The following SLC11A2 variants were observed in gnomAD, a reference collection of about 807,000 sequenced individuals.
SLC11A2 encodes natural resistance-associated macrophage protein 2.
A neutral mutation model predicts 68.0 loss-of-function variants in SLC11A2; 38 were observed. The observed-to-expected ratio is 0.56, with a 90% CI of 0.43 to 0.73. SLC11A2 has a LOEUF of 0.73. Ranked by LOEUF, SLC11A2 falls within the 30% of genes least tolerant of loss-of-function variation. SLC11A2 has a pLI of 0.00. For synonymous variants in SLC11A2, 242 were observed against 250.6 expected, an observed-to-expected ratio of 0.97 and a Z score of 0.32; for missense variants, 517 against 690.5, an observed-to-expected ratio of 0.75 and a Z score of 2.82.
chr12:50,972,835 G>C, the SLC11A2 span, among the ~76,000 whole-genome samples: 1 of 152,224 alleles, frequency 6.6e-6, no homozygotes, highest in Non-Finnish European at 1.5e-5. Flanking sequence ...CAGCACACCA[G>C]GAGATTATAT....
At chr12:51,000,919 A>C (rs930418865) in intron 5 of SLC11A2, among the ~76,000 whole-genome samples, 5 of 152,052 alleles carry the variant, frequency 3.3e-5, no homozygotes, top group African/African-American at 1.2e-4. Context: ...TAATCCCAGC[A>C]CTTTGGGAGG....
intron 3 of SLC11A2, 166 bp downstream of exon 3, chr12:51,008,302 GGTGTGTGT>G (rs532914132): frequency 3.8e-5 from 20 of 522,354 alleles, no homozygotes; most frequent in African/African-American, 2.8e-4. Flanking sequence ...ATATAGATGG[GGTGTGTGT>G]GTGTGTGTGT....
At chr12:50,977,910 C>T (rs1248789345), downstream of SLC11A2, among the ~76,000 whole-genome samples, 11 of 152,074 alleles carry the variant, frequency 7.2e-5, no homozygotes, top group Non-Finnish European at 7.4e-5. Context: ...TCATCACTGG[C>T]CATCAGAGAA....
chr12:50,967,525 C>T, the SLC11A2 span, among the ~76,000 whole-genome samples: 7 of 152,146 alleles, frequency 4.6e-5, no homozygotes, highest in Non-Finnish European at 1.0e-4. Flanking sequence ...GAACTCCCAC[C>T]TCAGCTTCCC....
At chr12:50,990,270 CAT>C (rs755715905) in intron 15 of SLC11A2, among the ~76,000 whole-genome samples, 14 of 152,192 alleles carry the variant, frequency 9.2e-5, no homozygotes, top group African/African-American at 2.7e-4. Flanking sequence ...CTGTGTGCCA[CAT>C]GTGTCCCACC....
chr12:50,963,343 C>A, the SLC11A2 span, among the ~76,000 whole-genome samples: 1 of 133,644 alleles, frequency 7.5e-6, no homozygotes, highest in Admixed American at 8.9e-5. Context: ...GCACTCCAGC[C>A]TGGGTGAAAG....
intron 1 of SLC11A2, among the ~76,000 whole-genome samples, chr12:51,021,319 T>C (rs1020331589): frequency 6.6e-6 from 1 of 152,046 alleles, no homozygotes; most frequent in Admixed American, 6.6e-5. Flanking sequence ...AGACATCCTA[T>C]TTAACTTACA....
At chr12:50,978,884 C>T (rs974026450), downstream of SLC11A2, among the ~76,000 whole-genome samples, 1 of 152,176 alleles carries the variant, frequency 6.6e-6, no homozygotes, top group Non-Finnish European at 1.5e-5. Context: ...GCCTCTGTTA[C>T]TAATGAAACT....
the SLC11A2 span, chr12:50,953,824 A>C: frequency 3.8e-6 from 2 of 532,632 alleles, no homozygotes; most frequent in African/African-American, 1.9e-5. Flanking sequence ...AAATGAAAAA[A>C]TTCGGTAGTG....
intron 10 of SLC11A2, 84 bp downstream of exon 10, chr12:50,995,545 G>T: frequency 7.7e-7 from 1 of 1,298,054 alleles, no homozygotes; most frequent in Non-Finnish European, 1.1e-6. Flanking sequence ...TTAACACTAG[G>T]ATGAGGTATT....
At chr12:50,968,848 T>C in the SLC11A2 span, among the ~76,000 whole-genome samples, 231 of 150,366 alleles carry the variant, frequency 1.5e-3, 8 homozygotes, top group East Asian at 0.037. Flanking sequence ...GACCCTAATT[T>C]TTTTATTTTT....
intron 8 of SLC11A2, among the ~76,000 whole-genome samples, chr12:50,998,593 A>G (rs1277924195): frequency 3.3e-5 from 5 of 152,102 alleles, no homozygotes; most frequent in African/African-American, 1.2e-4. Flanking sequence ...CAACCCATAG[A>G]TTACATATAT....
rs1940754974 is a variant in SLC11A2 at position 50,987,911 on chromosome 12, A to C, written c.*414T>G. The C allele has an allele frequency of 7.8e-7, 1 of 1,275,360 alleles. No individual in the cohort carries two copies. The highest frequency in any genetic ancestry group is 2.4e-5 in the Admixed American group (1 of 41,966). 79.0% of individuals were successfully genotyped at this position (1,275,360 alleles called of 1,614,324 possible). ...TTCTCAGCCTTTAAAAATCCATTAC[A>C]TTTTGATAAATAAAACTTGCATACT... On this transcript the variant is annotated 3_prime_UTR_variant, in exon 16 of 16. Coordinates refer to ENST00000262052, the MANE Select transcript of SLC11A2 (RefSeq NM_000617.3).
chr12:51,026,122 C>T (rs1180897288), intron 1 of SLC11A2, 188 bp downstream of exon 1: 4 of 1,102,846 alleles, frequency 3.6e-6, no homozygotes, highest in African/African-American at 1.7e-5. Flanking sequence ...AATGGCGCGA[C>T]TCCATCAGTC....
chr12:50,960,671 G>A, the SLC11A2 span, among the ~76,000 whole-genome samples: 4 of 150,554 alleles, frequency 2.7e-5, no homozygotes, highest in Admixed American at 6.6e-5. Flanking sequence ...TGCCTGCTGT[G>A]TATTTAACCC....
chr12:51,022,597 G>T (rs1349741381), intron 1 of SLC11A2, among the ~76,000 whole-genome samples: 2 of 152,008 alleles, frequency 1.3e-5, no homozygotes, highest in Non-Finnish European at 2.9e-5. Flanking sequence ...GATGGATATT[G>T]GCTCCCAAAT....
intron 3 of SLC11A2, chr12:51,005,659 G>T (rs570552492): frequency 7.3e-7 from 1 of 1,370,134 alleles, no homozygotes; most frequent in Non-Finnish European, 9.6e-7. Flanking sequence ...TTACCTGCAG[G>T]TTCCATCAGC....
intron 1 of SLC11A2, among the ~76,000 whole-genome samples, chr12:51,012,054 C>T (rs1943274865): frequency 1.3e-5 from 2 of 152,196 alleles, no homozygotes; most frequent in African/African-American, 2.4e-5. Context: ...TTCTAGACCT[C>T]ATTCCTCAAC....
intron 11 of SLC11A2, among the ~76,000 whole-genome samples, chr12:50,993,741 G>A (rs767059304): frequency 1.1e-4 from 16 of 151,514 alleles, no homozygotes; most frequent in Non-Finnish European, 1.9e-4. Context: ...GGCAGGAGAA[G>A]CACTTGAACC....
Sources: gnomAD v4.1 joint callset for allele counts (sites outside exome capture counted in the v4.1 genomes callset) on GRCh38, gnomAD v4.1.1 for gene constraint, MANE v1.5 for transcripts, NCBI Gene and HGNC (gene_info 2026-07-23, HGNC 2026-07-21) for gene names.